RNF43: variants seen among roughly 807,000 people sequenced by gnomAD.
The protein encoded by RNF43 is ring finger protein 43, also known as E3 ubiquitin-protein ligase RNF43.
A neutral mutation model predicts 78.4 loss-of-function variants in RNF43; 37 were observed. The ratio of observed to expected loss-of-function variants is 0.47; its 90% CI spans 0.36 to 0.62. RNF43 has a LOEUF of 0.62. RNF43 is among the 20% of genes least tolerant of loss of function. The probability of loss-of-function intolerance (pLI) is 0.00; values close to 1 mark genes in which losing one functional copy is unlikely to be tolerated. For synonymous variants in RNF43, 347 were observed against 395.0 expected (o/e 0.88, Z 1.44); for missense variants, 774 against 1,007.9 (o/e 0.77, Z 3.14).
Position 58,415,838 on chromosome 17 carries a change from A to G in RNF43, c.-261T>C. The G allele has an allele frequency of 1.9e-6, 1 of 528,830 alleles. No homozygotes were observed. Among genetic ancestry groups the G allele is most frequent in the Non-Finnish European group, 3.4e-6 (1 of 294,352 alleles). The allele number at this position is 528,830 out of a possible 1,614,324, so 32.8% of individuals were successfully genotyped here. On this transcript the variant is annotated 5_prime_UTR_variant, in exon 2 of 10. Transcript: ENST00000407977. The stretch of plus-strand genomic sequence containing the variant: ...ATTTTCTCCCATCTTCACTGTGACT[A>G]GTAAAGATCTCACCACTTCTCTTTG...
chr17:58,391,631 G>A (rs937754079), intron 2 of RNF43, among the ~76,000 whole-genome samples: 1 of 152,206 alleles, frequency 6.6e-6, no homozygotes, highest in East Asian at 1.9e-4. Flanking sequence ...ACTGTTTACA[G>A]GCTGAGTTAA....
intron 3 of RNF43, among the ~76,000 whole-genome samples, chr17:58,364,359 G>A (rs936077389): frequency 5.9e-5 from 9 of 152,212 alleles, no homozygotes; most frequent in African/African-American, 2.2e-4. Context: ...GTATGCACAC[G>A]TGCATGTTCA....
intron 2 of RNF43, among the ~76,000 whole-genome samples, chr17:58,414,778 G>A (rs1301815781): frequency 6.6e-6 from 1 of 152,190 alleles, no homozygotes; most frequent in East Asian, 1.9e-4. Flanking sequence ...TGTCCATTTT[G>A]TAATCCAGTC....
At chr17:58,404,946 C>T (rs546755879) in intron 2 of RNF43, among the ~76,000 whole-genome samples, 66 of 150,512 alleles carry the variant, frequency 4.4e-4, no homozygotes, top group African/African-American at 1.5e-3. Flanking sequence ...GCCATGGTAT[C>T]TAGTCATTCT....
At chr17:58,388,018 T>C (rs1973473486) in intron 2 of RNF43, among the ~76,000 whole-genome samples, 1 of 151,004 alleles carries the variant, frequency 6.6e-6, no homozygotes, top group Admixed American at 6.6e-5. Context: ...TATCTGATAT[T>C]TCTGTTGACA....
chr17:58,387,551 T>C (rs1973463793), intron 2 of RNF43, among the ~76,000 whole-genome samples: 1 of 151,862 alleles, frequency 6.6e-6, no homozygotes, highest in Admixed American at 6.6e-5. Context: ...CTCAAGAGGC[T>C]GAGGCAGGAG....
chr17:58,378,896 G>C (rs1973259011), intron 2 of RNF43, among the ~76,000 whole-genome samples: 1 of 152,206 alleles, frequency 6.6e-6, no homozygotes, highest in Non-Finnish European at 1.5e-5. Context: ...AGTGTTTGGT[G>C]AAAGAATGAA....
intron 2 of RNF43, chr17:58,394,857 TG>T (rs1032099526): frequency 1.3e-5 from 2 of 152,058 alleles, no homozygotes; most frequent in African/African-American, 4.8e-5. Context: ...ACTTTTGGGG[TG>T]GGTGGGAAAT....
intron 2 of RNF43, among the ~76,000 whole-genome samples, chr17:58,408,242 T>C (rs185361423): frequency 8.7e-4 from 133 of 152,366 alleles, no homozygotes; most frequent in African/African-American, 3.0e-3. Flanking sequence ...TCTCTAGATA[T>C]GTCTTAGAGA....
chr17:58,399,643 A>T (rs939396238), intron 2 of RNF43, among the ~76,000 whole-genome samples: 2 of 142,686 alleles, frequency 1.4e-5, no homozygotes, highest in African/African-American at 2.6e-5. Context: ...AGTAGCAGCA[A>T]TTTTTTTTTT....
Position 58,363,377 on chromosome 17 carries a change from T to A in RNF43, c.480A>T (p.Pro160=). Residue 160 remains proline, a synonymous_variant, in exon 5 of 10, where the codon CCA becomes CCT. Transcript: ENST00000407977. ...QLQQPLGLTW[P]VVLIWGNDAE... ...CGTCATTACCCCAGATCAACACCAC[T>A]GGCCAGGTCAGCCCCAGCGGCTGCT... 1 of 1,614,120 alleles carries A rather than the reference T, an allele frequency of 6.2e-7. No individual in the cohort carries two copies. Among genetic ancestry groups the A allele is most frequent in the Non-Finnish European group, 8.5e-7 (1 of 1,180,008 alleles).
In RNF43 at chr17:58,359,980, A is replaced by G. The variant is rs115190615; in HGVS notation, c.952+169T>C. ...AATAAATAAAGATATTTACATTTTG[A>G]ATGACGCTTCCCCTCGAGTGAGGCA... On this transcript the variant is annotated intron_variant, in intron 8 of 9. Transcript: ENST00000407977. Among the ~76,000 whole-genome samples, 1,206 of 152,298 alleles carry G rather than the reference A, an allele frequency of 7.9e-3. 16 individuals are homozygous for G. Among genetic ancestry groups the G allele is most frequent in the African/African-American group, 0.028 (1,167 of 41,552 alleles).
intron 2 of RNF43, among the ~76,000 whole-genome samples, chr17:58,384,663 G>C (rs1169721703): frequency 2.0e-5 from 3 of 152,272 alleles, no homozygotes; most frequent in Admixed American, 6.5e-5. Context: ...CTGGGCATCG[G>C]TTTCAGGTAC....
intron 2 of RNF43, among the ~76,000 whole-genome samples, chr17:58,408,437 G>A (rs1472966107): frequency 6.6e-6 from 1 of 152,108 alleles, no homozygotes; most frequent in Non-Finnish European, 1.5e-5. Flanking sequence ...GTACTAAGAA[G>A]GTAAGGTCCT....
intron 2 of RNF43, among the ~76,000 whole-genome samples, chr17:58,406,476 C>G (rs1973912491): frequency 6.6e-6 from 1 of 152,172 alleles, no homozygotes; most frequent in Non-Finnish European, 1.5e-5. Flanking sequence ...TATTCTGCCA[C>G]TTTTCCCTCC....
In RNF43 at chr17:58,360,129, G is replaced by T. The variant is rs1567874976; in HGVS notation, c.952+20C>A. Reference sequence around the variant, plus strand: ...GACCTGTCTGCCTACACAGAGGGGAGTCCTTGGCCCACCTCCTACCTGTGA... The same window carrying T: ...GACCTGTCTGCCTACACAGAGGGGATTCCTTGGCCCACCTCCTACCTGTGA... On this transcript the variant is annotated intron_variant, in intron 8 of 9. Coordinates refer to ENST00000407977, the MANE Select transcript of RNF43 (RefSeq NM_017763.6). This position sits in a 1 kb window ranked among gnomAD's most constrained non-coding sequence, Gnocchi z 4.3. 1 of 1,588,016 alleles carries T rather than the reference G, an allele frequency of 6.3e-7. No homozygotes were observed. Among genetic ancestry groups the T allele is most frequent in the Admixed American group, 1.7e-5 (1 of 59,982 alleles).
intron 2 of RNF43, among the ~76,000 whole-genome samples, chr17:58,390,938 GTA>G (rs1472570640): frequency 2.0e-5 from 3 of 152,194 alleles, no homozygotes; most frequent in Non-Finnish European, 4.4e-5. Context: ...GAAACTCACT[GTA>G]TATCTTATTT....
chr17:58,354,366 CT>C lies in RNF43; in HGVS notation c.*576del. On this transcript the variant is annotated 3_prime_UTR_variant, in exon 10 of 10. Coordinates refer to ENST00000407977, the MANE Select transcript of RNF43 (RefSeq NM_017763.6). Reference sequence around the variant, plus strand: ...AGTGGGAAAGCTTCAGGGACCCCTCCTTTTAGTGCTCAGGGCTCACCTATGC... The same window carrying C: ...AGTGGGAAAGCTTCAGGGACCCCTCCTTTAGTGCTCAGGGCTCACCTATGC... 4.7e-6 allele frequency: 1 copy of C among 211,296 alleles called. No homozygotes were observed. Among genetic ancestry groups the C allele is most frequent in the Non-Finnish European group, 9.7e-6 (1 of 103,586 alleles). 13.1% of individuals were successfully genotyped at this position (211,296 alleles called of 1,614,324 possible).
At position 58,360,301 on chromosome 17, in the gene RNF43, T is replaced by C; in HGVS notation, c.850-50A>G. The C allele has an allele frequency of 7.0e-7, 1 of 1,436,098 alleles. No homozygotes were observed. Among genetic ancestry groups the C allele is most frequent in the South Asian group, 1.1e-5 (1 of 87,470 alleles). 89.0% of individuals were successfully genotyped at this position (1,436,098 alleles called of 1,614,324 possible). A position where few individuals can be genotyped will look rare whatever the true frequency, so the allele number is the denominator to read the frequency against. On this transcript the variant is annotated intron_variant, in intron 7 of 9. Transcript: ENST00000407977. This position sits in a 1 kb window ranked among gnomAD's most constrained non-coding sequence, Gnocchi z 4.3. The stretch of plus-strand genomic sequence containing the variant: ...CCAAAGGCTTCTGTAGCCATAGGAA[T>C]TGCCAGGAATCAGGACATCCCCCAA...
Sources: gnomAD v4.1 joint callset for allele counts (sites outside exome capture counted in the v4.1 genomes callset) on GRCh38, gnomAD v4.1.1 for gene constraint, Gnocchi (gnomAD v3.1) non-coding constraint, MANE v1.5 for transcripts, NCBI Gene and HGNC (gene_info 2026-07-23, HGNC 2026-07-21) for gene names.